ADAMTSL3: variants seen among roughly 807,000 people sequenced by gnomAD.
The protein encoded by ADAMTSL3 is ADAMTS like 3.
ADAMTSL3 carries 128 observed loss-of-function variants against 201.7 expected under a neutral mutation model. The observed-to-expected ratio is 0.63, with a 90% CI of 0.55 to 0.73. The LOEUF is 0.73. ADAMTSL3 is among the 30% of genes least tolerant of loss of function. ADAMTSL3 has a pLI of 0.00. For synonymous variants in ADAMTSL3, 738 were observed against 748.4 expected (o/e 0.99, Z 0.23); for missense variants, 1,990 against 2,119.6 (o/e 0.94, Z 1.20).
At chr15:83,944,224 G>C (rs1353169913) in intron 19 of ADAMTSL3, among the ~76,000 whole-genome samples, 1 of 152,196 alleles carries the variant, frequency 6.6e-6, no homozygotes, top group Non-Finnish European at 1.5e-5. Flanking sequence ...AGAATAGCTG[G>C]TAGGGCCTTT....
At chr15:83,848,189 A>C (rs1315603114) in intron 7 of ADAMTSL3, among the ~76,000 whole-genome samples, 38 of 152,224 alleles carry the variant, frequency 2.5e-4, no homozygotes, top group Non-Finnish European at 1.5e-5. Flanking sequence ...AAATAAAAAA[A>C]TAAACAAAAC....
intron 19 of ADAMTSL3, among the ~76,000 whole-genome samples, chr15:83,958,694 CAGTGTT>C (rs1219628539): frequency 6.6e-6 from 1 of 152,020 alleles, no homozygotes; most frequent in African/African-American, 2.4e-5. Context: ...AAAATATACT[CAGTGTT>C]ACAAAATGAG....
chr15:83,979,174 T>C (rs2067341821), intron 20 of ADAMTSL3, among the ~76,000 whole-genome samples: 1 of 152,242 alleles, frequency 6.6e-6, no homozygotes, highest in Admixed American at 6.5e-5. Flanking sequence ...AGCAAGAACA[T>C]TCAAGCTTCC....
intron 15 of ADAMTSL3, among the ~76,000 whole-genome samples, chr15:83,909,865 C>A (rs1448599357): frequency 1.3e-5 from 2 of 152,196 alleles, no homozygotes; most frequent in Non-Finnish European, 2.9e-5. Flanking sequence ...ATCCACCCAC[C>A]TCGGCCTCCC....
intron 9 of ADAMTSL3, among the ~76,000 whole-genome samples, chr15:83,876,019 G>C (rs1242978336): frequency 6.6e-6 from 1 of 151,622 alleles, no homozygotes; most frequent in Non-Finnish European, 1.5e-5. Flanking sequence ...TCTTTTCGGT[G>C]GTAATGGAAA....
chr15:83,816,516 A>G (rs796871098), intron 5 of ADAMTSL3, among the ~76,000 whole-genome samples: 4 of 152,352 alleles, frequency 2.6e-5, no homozygotes, highest in African/African-American at 9.6e-5. Context: ...TTCAGTCCCT[A>G]GAGAATGCTT....
At chr15:83,992,504 C>T (rs972579376) in intron 23 of ADAMTSL3, among the ~76,000 whole-genome samples, 8 of 152,178 alleles carry the variant, frequency 5.3e-5, no homozygotes, top group African/African-American at 1.9e-4. Flanking sequence ...AAAAGCAGAA[C>T]GGAACTCTGC....
At chr15:83,725,149 G>A (rs1290924887) in intron 3 of ADAMTSL3, among the ~76,000 whole-genome samples, 1 of 152,128 alleles carries the variant, frequency 6.6e-6, no homozygotes, top group Non-Finnish European at 1.5e-5. Flanking sequence ...CATAGTGGTT[G>A]TGCTAATTTA....
intron 7 of ADAMTSL3, among the ~76,000 whole-genome samples, chr15:83,850,879 A>C (rs992663797): frequency 4.6e-5 from 7 of 152,168 alleles, no homozygotes; most frequent in African/African-American, 1.7e-4. Context: ...AGAAATGCTG[A>C]AAAGTTTGTG....
chr15:83,888,521 C>T (rs2065442182), intron 10 of ADAMTSL3, among the ~76,000 whole-genome samples: 1 of 152,050 alleles, frequency 6.6e-6, no homozygotes, highest in Admixed American at 6.5e-5. Flanking sequence ...TATTAGTAAT[C>T]AAATCTGTGT....
chr15:83,930,451 G>A (rs994574511), intron 17 of ADAMTSL3, among the ~76,000 whole-genome samples: 6 of 152,124 alleles, frequency 3.9e-5, no homozygotes, highest in African/African-American at 1.4e-4. Context: ...ACAAGATTTA[G>A]CAACAAATCT....
chr15:83,663,890 G>A (rs2061211304), intron 2 of ADAMTSL3, among the ~76,000 whole-genome samples: 1 of 152,188 alleles, frequency 6.6e-6, no homozygotes, highest in Admixed American at 6.5e-5. Flanking sequence ...TGTGATCCCG[G>A]CACTCCTTTT....
At chr15:84,006,623 T>C (rs1596528253) in intron 23 of ADAMTSL3, among the ~76,000 whole-genome samples, 1 of 152,184 alleles carries the variant, frequency 6.6e-6, no homozygotes, top group Admixed American at 6.5e-5. Flanking sequence ...GGAAACAGAA[T>C]GTTGAATATA....
At chr15:83,960,714 C>T (rs2066951317) in intron 19 of ADAMTSL3, among the ~76,000 whole-genome samples, 1 of 152,108 alleles carries the variant, frequency 6.6e-6, no homozygotes, top group Non-Finnish European at 1.5e-5. Context: ...ATCAACTATT[C>T]AAATTCGAAA....
At chr15:83,809,776 C>T (rs1485793863) in intron 5 of ADAMTSL3, among the ~76,000 whole-genome samples, 2 of 152,172 alleles carry the variant, frequency 1.3e-5, no homozygotes, top group Admixed American at 1.3e-4. Flanking sequence ...GATCTCATTT[C>T]AAATGAGATT....
At chr15:83,860,989 G>T (rs1210339568) in intron 8 of ADAMTSL3, among the ~76,000 whole-genome samples, 1 of 152,220 alleles carries the variant, frequency 6.6e-6, no homozygotes, top group Non-Finnish European at 1.5e-5. Flanking sequence ...TTTTCCAATG[G>T]TCTTAGCAAA....
At chr15:83,992,693 G>A (rs1422308797) in intron 23 of ADAMTSL3, among the ~76,000 whole-genome samples, 3 of 152,220 alleles carry the variant, frequency 2.0e-5, no homozygotes, top group Non-Finnish European at 4.4e-5. Flanking sequence ...AAGGATTGGA[G>A]TGCATTATTT....
At chr15:83,822,300 GGCTCCTC>G (rs2063892821) in intron 6 of ADAMTSL3, among the ~76,000 whole-genome samples, 1 of 137,872 alleles carries the variant, frequency 7.3e-6, no homozygotes, top group African/African-American at 2.8e-5. Flanking sequence ...CGGGCGGAGG[GGCTCCTC>G]ACTTCTCAGA....
At chr15:83,664,404 G>A (rs577278128) in intron 2 of ADAMTSL3, among the ~76,000 whole-genome samples, 74 of 152,070 alleles carry the variant, frequency 4.9e-4, no homozygotes, top group Non-Finnish European at 1.8e-4. Context: ...AATGTTCCTT[G>A]GTGGTGTCAA....
Sources: allele counts gnomAD v4.1 joint callset (sites outside exome capture counted in the v4.1 genomes callset), GRCh38; gene constraint gnomAD v4.1.1; transcripts MANE v1.5; gene names NCBI Gene and HGNC (gene_info 2026-07-23, HGNC 2026-07-21).